The following CREB3L2 variants were observed in gnomAD, a reference collection of about 807,000 sequenced individuals.
The protein encoded by CREB3L2 is cyclic AMP-responsive element-binding protein 3-like protein 2.
CREB3L2 carries 23 observed loss-of-function variants against 57.2 expected under a neutral mutation model. The ratio of observed to expected loss-of-function variants is 0.40; its 90% CI spans 0.29 to 0.57. CREB3L2 has a LOEUF of 0.57. Ranked by LOEUF, CREB3L2 falls within the 20% of genes least tolerant of loss-of-function variation. The probability of loss-of-function intolerance (pLI) is 0.42; values close to 1 mark genes in which losing one functional copy is unlikely to be tolerated. For synonymous variants in CREB3L2, 268 were observed against 265.1 expected (o/e 1.01, Z -0.11); for missense variants, 628 against 634.7 (o/e 0.99, Z 0.11).
At chr7:137,965,647 G>A (rs747676619) in intron 1 of CREB3L2, among the ~76,000 whole-genome samples, 1 of 152,132 alleles carries the variant, frequency 6.6e-6, no homozygotes, top group African/African-American at 2.4e-5. Flanking sequence ...TTATAAGCAA[G>A]GACATAGAAA....
chr7:137,996,608 G>A (rs897500181), intron 1 of CREB3L2, among the ~76,000 whole-genome samples: 2 of 152,168 alleles, frequency 1.3e-5, no homozygotes, highest in South Asian at 2.1e-4. Flanking sequence ...CGGGCCAGGC[G>A]GGAGGAACAG....
At chr7:137,970,106 A>C (rs1801482149) in intron 1 of CREB3L2, among the ~76,000 whole-genome samples, 1 of 152,194 alleles carries the variant, frequency 6.6e-6, no homozygotes, top group Non-Finnish European at 1.5e-5. Context: ...ATACCATCTA[A>C]AGAGCAAGTT....
chr7:137,882,072 A>T (rs1047536468), intron 11 of CREB3L2, among the ~76,000 whole-genome samples: 6 of 152,238 alleles, frequency 3.9e-5, no homozygotes, highest in African/African-American at 1.4e-4. Flanking sequence ...CAGCAAACAC[A>T]CTGTGGTTAC....
intron 4 of CREB3L2, among the ~76,000 whole-genome samples, chr7:137,911,857 A>T (rs2117213706): frequency 6.6e-6 from 1 of 152,292 alleles, no homozygotes; most frequent in Non-Finnish European, 1.5e-5. Context: ...AAATAAATAA[A>T]TAAAAAGTAT....
At chr7:137,922,419 T>TATAC (rs1800332458) in intron 2 of CREB3L2, among the ~76,000 whole-genome samples, 1 of 101,110 alleles carries the variant, frequency 9.9e-6, no homozygotes, top group African/African-American at 8.6e-5. Flanking sequence ...TATATATGTA[T>TATAC]ATATATATAT....
At chr7:137,972,689 A>AC (rs1237010381) in intron 1 of CREB3L2, among the ~76,000 whole-genome samples, 15 of 30,828 alleles carry the variant, frequency 4.9e-4, no homozygotes, top group Admixed American at 3.0e-3. Context: ...CTCTACAAAA[A>AC]AAAAAAAAAA....
chr7:137,900,223 C>T (rs904714320), intron 8 of CREB3L2, among the ~76,000 whole-genome samples: 1 of 152,210 alleles, frequency 6.6e-6, no homozygotes, highest in African/African-American at 2.4e-5. Context: ...GGCTCCAGAG[C>T]CAGACTGCCT....
chr7:137,972,726 TATATATATATAGAGAGAGAGAGAG>T (rs1395585808), intron 1 of CREB3L2, among the ~76,000 whole-genome samples: 5 of 26,502 alleles, frequency 1.9e-4, no homozygotes, highest in Non-Finnish European at 2.9e-4. Flanking sequence ...TATATATATA[TATATATATATAGAGAGAGAGAGAG>T]AGAGAGAGAG....
rs746629503 is a variant in CREB3L2, at chr7:137,885,114, A to C, written c.1151T>G (p.Val384Gly). The C allele has an allele frequency of 6.2e-7, 1 of 1,614,132 alleles. No homozygotes were observed. Among genetic ancestry groups the C allele is most frequent in the South Asian group, 1.1e-5 (1 of 91,078 alleles). The change falls in exon 10 of 12, where the codon GTG becomes GGG. Residue 384 changes from valine (V) to glycine (G), a missense_variant. This residue lies in a region of CREB3L2 where 272 missense variants were observed against 242.7 expected (regional missense o/e 1.12). Transcript: ENST00000330387. ...TQTGTCLMVV[V>G]LCFAVAFGSF... ...GCCGAATGCAACGGCAAAGCACAGC[A>C]CCACAACCTGTGGGAGAGAAAGAGG...
At chr7:137,885,910 G>C (rs1799408915) in intron 8 of CREB3L2, among the ~76,000 whole-genome samples, 1 of 152,212 alleles carries the variant, frequency 6.6e-6, no homozygotes, top group Non-Finnish European at 1.5e-5. Flanking sequence ...GACGGTATTA[G>C]GATGCAGCAC....
chr7:137,944,064 C>T (rs1800923110), intron 1 of CREB3L2, among the ~76,000 whole-genome samples: 1 of 152,150 alleles, frequency 6.6e-6, no homozygotes, highest in Admixed American at 6.5e-5. Flanking sequence ...TCCAAATGCC[C>T]CTTTCCCCAT....
chr7:137,987,560 C>T (rs540146020), intron 1 of CREB3L2, among the ~76,000 whole-genome samples: 1 of 152,324 alleles, frequency 6.6e-6, no homozygotes, highest in African/African-American at 2.4e-5. Flanking sequence ...ACTCCATATG[C>T]CAAAAGTCTG....
At chr7:137,964,177 G>A (rs561237423) in intron 1 of CREB3L2, among the ~76,000 whole-genome samples, 5 of 152,252 alleles carry the variant, frequency 3.3e-5, no homozygotes, top group African/African-American at 7.2e-5. Flanking sequence ...TTAGCCAGGC[G>A]TGGTGGCAGG....
At chr7:137,992,316 C>T (rs12668622) in intron 1 of CREB3L2, among the ~76,000 whole-genome samples, 101,934 of 151,932 alleles carry the variant, frequency 0.67, 35,984 homozygotes, top group East Asian at 0.9. Flanking sequence ...AGGCAAAACA[C>T]AGCTTGCCTC....
intron 2 of CREB3L2, among the ~76,000 whole-genome samples, chr7:137,920,026 G>A (rs1800236277): frequency 6.6e-6 from 1 of 152,182 alleles, no homozygotes; most frequent in African/African-American, 2.4e-5. Flanking sequence ...GTAATTATTG[G>A]GTAGAGGTTG....
rs576335969 is a variant in CREB3L2 at position 137,974,118 on chromosome 7, C to T, written c.102+27486G>A. Among the ~76,000 whole-genome samples, 83 of 152,112 alleles carry T rather than the reference C, an allele frequency of 5.5e-4. 1 individual carries two copies. Among genetic ancestry groups the T allele is most frequent in the Admixed American group, 1.2e-3 (18 of 15,264 alleles). Reference sequence around the variant, plus strand: ...GAATAAAAATACTTGTCCTACCTACCCCATTGGTTTCATTCATTGAACAAA... The same window carrying T: ...GAATAAAAATACTTGTCCTACCTACTCCATTGGTTTCATTCATTGAACAAA... On this transcript the variant is annotated intron_variant, in intron 1 of 11. Transcript: ENST00000330387.
At chr7:137,905,672 T>C in intron 6 of CREB3L2, 30 bp downstream of exon 6, 1 of 1,612,720 alleles carries the variant, frequency 6.2e-7, no homozygotes, top group Non-Finnish European at 8.5e-7. Context: ...TCGTCTCTGC[T>C]CTAGAAGTGC....
Position 137,879,179 on chromosome 7 carries a change from C to CT in CREB3L2, c.*1296_*1297insA. ...GTTACTTTTAACCATAAAAAAAAAA[C>CT]AAAAAAACTAAAAGTAGGTTGGGGA... On this transcript the variant is annotated 3_prime_UTR_variant, in exon 12 of 12. Transcript: ENST00000330387. The CT allele has an allele frequency of 2.0e-6, 1 of 506,812 alleles. No homozygotes were observed. Among genetic ancestry groups the CT allele is most frequent in the South Asian group, 1.7e-5 (1 of 59,188 alleles). The allele number at this position is 506,812 out of a possible 1,614,324, so 31.4% of individuals were successfully genotyped here.
rs577584454 is a variant in CREB3L2 at position 137,878,251 on chromosome 7, C to T, written c.*2225G>A. On this transcript the variant is annotated 3_prime_UTR_variant, in exon 12 of 12. Transcript: ENST00000330387. ...TTAGAAGAGCACGTTTCCTACTCTA[C>T]GTCTGGGAGCCTTGAAAACCCAGTC... 1.4e-4 allele frequency: 33 copies of T among 232,550 alleles called. No individual in the cohort carries two copies. The highest frequency in any genetic ancestry group is 1.4e-4 in the Non-Finnish European group (17 of 117,706). The allele number at this position is 232,550 out of a possible 1,614,324, so 14.4% of individuals were successfully genotyped here.
Sources: gnomAD v4.1 joint callset for allele counts (sites outside exome capture counted in the v4.1 genomes callset) on GRCh38, gnomAD v4.1.1 for gene constraint, gnomAD v4.1.1 regional missense constraint, MANE v1.5 for transcripts, NCBI Gene and HGNC (gene_info 2026-07-23, HGNC 2026-07-21) for gene names.